Variants in SLC16A2 observed in about 807,000 individuals in gnomAD.
SLC16A2 encodes the protein solute carrier family 16 member 2, also known as monocarboxylate transporter 8.
Under a neutral mutation model 27.2 loss-of-function variants are expected in SLC16A2, and 3 were observed. That is an observed-to-expected ratio of 0.11 (90% confidence interval 0.05 to 0.28). The LOEUF (loss-of-function observed/expected upper bound fraction) is 0.28. Ranked by LOEUF, SLC16A2 falls within the 10% of genes least tolerant of loss-of-function variation. The pLI is 1.00. For missense variants in SLC16A2, 295 were observed against 458.5 expected, an observed-to-expected ratio of 0.64 and a Z score of 3.26; for synonymous variants, 202 against 187.8, an observed-to-expected ratio of 1.08 and a Z score of -0.62.
In SLC16A2 at chrX:74,533,480, C is replaced by T. The variant is rs1474634049; in HGVS notation, c.*1927C>T. 8 of 112,266 alleles carry T rather than the reference C, an allele frequency of 7.1e-5. No individual in the cohort carries two copies. The East Asian group carries it at 2.0e-3, about 28-fold the overall frequency. 9.3% of individuals were successfully genotyped at this position (112,266 alleles called of 1,213,427 possible). A position where few individuals can be genotyped will look rare whatever the true frequency, so the allele number is the denominator to read the frequency against. On this transcript the variant is annotated 3_prime_UTR_variant, in exon 6 of 6. Transcript: ENST00000587091. ...GAGCCCTGTAACTCCCAGGAGAGACCACTGAAAATACTGGAGCAACAATGC... is the reference window on the plus strand; with the variant it reads ...GAGCCCTGTAACTCCCAGGAGAGACTACTGAAAATACTGGAGCAACAATGC...
chrX:74,475,263 C>A (rs1226835955), intron 1 of SLC16A2, among the ~76,000 whole-genome samples: 1 of 111,130 alleles, frequency 9.0e-6, no homozygotes, highest in Non-Finnish European at 1.9e-5. Context: ...TGTCTTTTGG[C>A]TGCATAAATG....
At chrX:74,422,761 A>G (rs1439085359) in intron 1 of SLC16A2, among the ~76,000 whole-genome samples, 1 of 112,030 alleles carries the variant, frequency 8.9e-6, no homozygotes, top group African/African-American at 3.2e-5. Flanking sequence ...TCCGTGCCCT[A>G]TGAGCCGAGC....
At chrX:74,434,263 T>C (rs754048581) in intron 1 of SLC16A2, among the ~76,000 whole-genome samples, 41 of 112,029 alleles carry the variant, frequency 3.7e-4, no homozygotes, top group Non-Finnish European at 6.8e-4. Context: ...GCAATTTTCA[T>C]GTGGTGATGT....
At position 74,529,365 on chromosome X, in the gene SLC16A2, A is replaced by G; in HGVS notation, c.1323A>G (p.Pro441=). 1 of 1,205,180 alleles carries G rather than the reference A, an allele frequency of 8.3e-7. No homozygotes were observed. Among genetic ancestry groups the G allele is most frequent in the Non-Finnish European group, 1.1e-6 (1 of 891,800 alleles). Residue 441 remains proline, a synonymous_variant, in exon 5 of 6, where the codon CCA becomes CCG. Transcript: ENST00000587091. ...CCATTGCATTTGAGCTGGTGGGCCCAATGCAGGCCTCACAGGCCATTGGCT... is the reference window on the plus strand; with the variant it reads ...CCATTGCATTTGAGCTGGTGGGCCCGATGCAGGCCTCACAGGCCATTGGCT... ...MAPIAFELVG[P]MQASQAIGYL... is the part of the protein sequence containing the mutation.
chrX:74,428,375 C>A (rs1188045298), intron 1 of SLC16A2, among the ~76,000 whole-genome samples: 1 of 111,588 alleles, frequency 9.0e-6, no homozygotes, highest in East Asian at 2.8e-4. Context: ...CAGTTTCCAG[C>A]ATTGGTGGGA....
intron 1 of SLC16A2, among the ~76,000 whole-genome samples, chrX:74,495,417 T>C (rs777468175): frequency 9.3e-6 from 1 of 107,743 alleles, no homozygotes; most frequent in African/African-American, 3.3e-5. Context: ...TTTTACCCTC[T>C]GGGGACAAGA....
intron 2 of SLC16A2, among the ~76,000 whole-genome samples, chrX:74,523,490 C>G (rs893838006): frequency 1.8e-5 from 2 of 112,028 alleles, no homozygotes; most frequent in Non-Finnish European, 3.8e-5. Context: ...TATCTGGGGG[C>G]ATATGGCTGG....
chrX:74,438,636 A>G (rs971156897), intron 1 of SLC16A2, among the ~76,000 whole-genome samples: 1 of 112,349 alleles, frequency 8.9e-6, no homozygotes, highest in Non-Finnish European at 1.9e-5. Flanking sequence ...GTGCATGCAT[A>G]TGTGTGTACA....
At chrX:74,440,702 A>T (rs1928727944) in intron 1 of SLC16A2, among the ~76,000 whole-genome samples, 1 of 108,852 alleles carries the variant, frequency 9.2e-6, no homozygotes, top group East Asian at 2.9e-4. Context: ...TATGTGTGTG[A>T]GTGGAATTTT....
At chrX:74,500,927 C>T (rs1016580869) in intron 1 of SLC16A2, among the ~76,000 whole-genome samples, 1 of 109,745 alleles carries the variant, frequency 9.1e-6, no homozygotes, top group Admixed American at 9.6e-5. Context: ...ATTAAAAGTC[C>T]TTCTCAAAAT....
intron 1 of SLC16A2, among the ~76,000 whole-genome samples, chrX:74,471,443 A>T (rs1468604303): frequency 2.7e-5 from 3 of 111,938 alleles, no homozygotes; most frequent in Non-Finnish European, 1.9e-5. Context: ...AGCTCTTTAC[A>T]TGCCAGACTG....
chrX:74,424,030 T>C (rs756130161), intron 1 of SLC16A2, among the ~76,000 whole-genome samples: 30 of 100,915 alleles, frequency 3.0e-4, no homozygotes, highest in African/African-American at 1.1e-3. Flanking sequence ...TAGGTGATCA[T>C]AGGGGACTCA....
intron 1 of SLC16A2, among the ~76,000 whole-genome samples, chrX:74,494,628 A>G (rs1203544659): frequency 9.0e-6 from 1 of 111,442 alleles, no homozygotes; most frequent in Admixed American, 9.5e-5. Flanking sequence ...CTCCTTATGA[A>G]TATCCTGAAA....
chrX:74,473,273 C>T, intron 1 of SLC16A2: 1 of 625,010 alleles, frequency 1.6e-6, no homozygotes, highest in Admixed American at 2.3e-5. Flanking sequence ...CCACCACCAC[C>T]ATGACTGCCA....
intron 5 of SLC16A2, 87 bp from the exon 6 acceptor site, chrX:74,531,246 C>A: frequency 1.3e-6 from 1 of 751,833 alleles, no homozygotes; most frequent in Non-Finnish European, 2.1e-6. Context: ...TCTGGATAGG[C>A]ACTGTGATGG....
intron 1 of SLC16A2, chrX:74,473,404 C>T (rs1398655429): frequency 1.9e-6 from 1 of 540,152 alleles, no homozygotes; most frequent in Non-Finnish European, 3.3e-6. Flanking sequence ...CTTGCTTTGA[C>T]AGGGCTTTCC....
intron 1 of SLC16A2, among the ~76,000 whole-genome samples, chrX:74,495,243 C>T (rs191366761): frequency 2.3e-3 from 261 of 111,099 alleles, no homozygotes; most frequent in African/African-American, 7.9e-3. Flanking sequence ...GGGAAGTCTC[C>T]GGGGAGAGAT....
At chrX:74,457,031 C>T (rs1288293384) in intron 1 of SLC16A2, among the ~76,000 whole-genome samples, 1 of 111,081 alleles carries the variant, frequency 9.0e-6, no homozygotes, top group Non-Finnish European at 1.9e-5. Context: ...TACTTCCTAT[C>T]CTTCTATCTC....
intron 1 of SLC16A2, among the ~76,000 whole-genome samples, chrX:74,504,729 G>C (rs973849664): frequency 8.9e-6 from 1 of 112,503 alleles, no homozygotes; most frequent in South Asian, 3.7e-4. Context: ...AATGGCTCAC[G>C]CCTGCAGTCC....
Sources: allele counts gnomAD v4.1 joint callset (sites outside exome capture counted in the v4.1 genomes callset), GRCh38; gene constraint gnomAD v4.1.1; transcripts MANE v1.5; gene names NCBI Gene and HGNC (gene_info 2026-07-23, HGNC 2026-07-21).